The following HPS5 variants were observed in gnomAD, a reference collection of about 807,000 sequenced individuals.
HPS5 encodes BLOC-2 complex member HPS5.
In HPS5, 83 loss-of-function variants were observed where a neutral mutation model predicts 128.0. The ratio of observed to expected loss-of-function variants is 0.65; its 90% confidence interval spans 0.54 to 0.78. The LOEUF (loss-of-function observed/expected upper bound fraction) is 0.78, where lower values mean the gene tolerates loss of function less well. Among genes scored for constraint, HPS5 ranks in the 30% least tolerant of loss-of-function variants. The probability of loss-of-function intolerance (pLI) is 0.00; values close to 1 mark genes in which losing one functional copy is unlikely to be tolerated. For missense variants in HPS5, 1,281 were observed against 1,326.2 expected (o/e 0.97, Z 0.53); for synonymous variants, 475 against 470.2 (o/e 1.01, Z -0.13).
intron 2 of HPS5, among the ~76,000 whole-genome samples, chr11:18,313,359 T>C (rs1863222133): frequency 1.3e-5 from 2 of 152,386 alleles, no homozygotes; most frequent in Admixed American, 6.5e-5. Context: ...ATTTTGTCAC[T>C]GACTAGCTGT....
chr11:18,280,019 A>G (rs1858665215), intron 22 of HPS5, 77 bp from the exon 23 acceptor site: 2 of 1,430,868 alleles, frequency 1.4e-6, no homozygotes, highest in Non-Finnish European at 2.0e-6. Flanking sequence ...AAAACTACAG[A>G]GTTTCAGAGG....
chr11:18,284,709 T>TA (rs1463447060), intron 20 of HPS5, among the ~76,000 whole-genome samples: 3 of 152,190 alleles, frequency 2.0e-5, no homozygotes, highest in Non-Finnish European at 4.4e-5. Context: ...ACAAATTAGA[T>TA]ATAGACATTA....
chr11:18,318,177 T>C (rs1037259779), intron 1 of HPS5, among the ~76,000 whole-genome samples: 1 of 152,150 alleles, frequency 6.6e-6, no homozygotes, highest in Non-Finnish European at 1.5e-5. Flanking sequence ...GTAAACAGAA[T>C]AGGTAGAGTA....
intron 1 of HPS5, among the ~76,000 whole-genome samples, chr11:18,321,006 G>T (rs1864252931): frequency 6.6e-6 from 1 of 152,200 alleles, no homozygotes; most frequent in African/African-American, 2.4e-5. Context: ...TGCAACAATG[G>T]ATATAAAAAG....
chr11:18,287,699 A>T lies in HPS5; in HGVS notation c.2562-9T>A. 6.2e-7 allele frequency: 1 copy of T among 1,614,010 alleles called. No homozygotes were observed. ...CAAACTTTTCATACAACCTGCATTT[A>T]AAAACAAAACACTTTAGTCTCTAAT... On this transcript the variant is annotated splice_polypyrimidine_tract_variant and intron_variant, in intron 17 of 22. Transcript: ENST00000349215.
intron 22 of HPS5, 136 bp from the exon 23 acceptor site, chr11:18,280,078 G>A: frequency 1.2e-6 from 1 of 820,240 alleles, no homozygotes; most frequent in Non-Finnish European, 2.0e-6. Context: ...AATGCACAGA[G>A]TGAAAAGGCA....
rs562341973 is a variant in HPS5, at chr11:18,282,003, T to A, written c.3276A>T (p.Ser1092=). ...TATCGCAGGTTCTGGTAAACTTCTC[T>A]GACAACTCAAGGGCCAGACCACATT... ...LQECGLALEL[S]EKFTRTCDIL... Residue 1092 remains serine, a synonymous_variant, in exon 22 of 23, where the codon TCA becomes TCT. Coordinates refer to ENST00000349215, the MANE Select transcript of HPS5 (RefSeq NM_181507.2). The A allele has an allele frequency of 3.7e-6, 6 of 1,614,204 alleles. No individual in the cohort carries two copies. In the African/African-American group the frequency reaches 4.0e-5, roughly 11 times the overall value.
At position 18,282,147 on chromosome 11, in the gene HPS5, G is replaced by T; in HGVS notation, c.3132C>A (p.Ala1044=). The change falls in exon 22 of 23, where the codon GCC becomes GCA. Residue 1044 remains alanine, a synonymous_variant. Transcript: ENST00000349215. ...GGCTCCCATTTAGTGACTCCTGGGG[G>T]GCTGGCCTCGTGCTCTTGCTCTGTA... The part of the protein sequence containing the change: ...HLIQSKSTRP[A]PQESLNGSLS... 2 of 1,614,116 alleles carry T rather than the reference G, an allele frequency of 1.2e-6. No homozygotes were observed. Among genetic ancestry groups the T allele is most frequent in the Non-Finnish European group, 1.7e-6 (2 of 1,180,020 alleles).
intron 16 of HPS5, among the ~76,000 whole-genome samples, chr11:18,288,924 G>A (rs1283038759): frequency 6.6e-6 from 1 of 151,904 alleles, no homozygotes; most frequent in Non-Finnish European, 1.5e-5. Context: ...GTCTAGGCTG[G>A]CATGTGTGTG....
At chr11:18,311,365 T>C in intron 4 of HPS5, 22 bp downstream of exon 4, 1 of 1,507,840 alleles carries the variant, frequency 6.6e-7, no homozygotes, top group Non-Finnish European at 9.2e-7. Flanking sequence ...AAAGGACAGA[T>C]AGTTTTGGAA....
At position 18,296,905 on chromosome 11, in the gene HPS5, C is replaced by G; in HGVS notation, c.1403G>C (p.Cys468Ser). ...RRGSQSDEDS[C>S]SLHSQTLSED... is the part of the protein sequence containing the mutation. ...TGAGAGGGTTTGGCTGTGAAGGGAG[C>G]AAGAGTCTTCATCTGACTGACTGCC... The change falls in exon 12 of 23, where the codon TGC becomes TCC. Residue 468 changes from cysteine (C) to serine (S), a missense_variant. Transcript: ENST00000349215. The G allele has an allele frequency of 6.2e-7, 1 of 1,610,694 alleles. No homozygotes were observed.
chr11:18,311,284 G>C, intron 4 of HPS5, 103 bp downstream of exon 4: 1 of 860,352 alleles, frequency 1.2e-6, no homozygotes, highest in Non-Finnish European at 2.0e-6. Flanking sequence ...TTAAAACCGG[G>C]ACAATCCTAG....
Position 18,311,513 on chromosome 11 carries a change from T to TATTA in HPS5, c.220-63_220-62insTAAT, listed in dbSNP as rs1554944920. Reference sequence around the variant, plus strand: ...AGTTTTACATTATTATTATTATTATTTTTTTTTTTTTTTTTGAGACTGAGT... The same window carrying TATTA: ...AGTTTTACATTATTATTATTATTATTATTATTTTTTTTTTTTTTTGAGACTGAGT... On this transcript the variant is annotated intron_variant, in intron 3 of 22. Transcript: ENST00000349215. 4.1e-4 allele frequency: 249 copies of TATTA among 608,496 alleles called. 1 individual carries two copies. The highest frequency in any genetic ancestry group is 2.7e-3 in the African/African-American group (110 of 40,480). 37.7% of individuals were successfully genotyped at this position (608,496 alleles called of 1,614,324 possible).
chr11:18,300,593 A>G (rs1475353933), intron 9 of HPS5, among the ~76,000 whole-genome samples: 2 of 151,136 alleles, frequency 1.3e-5, no homozygotes, highest in African/African-American at 4.9e-5. Context: ...GCTACTCAGG[A>G]GGCTGAGGCA....
intron 15 of HPS5, 139 bp downstream of exon 15, chr11:18,292,760 A>G (rs1435195647): frequency 1.4e-6 from 1 of 735,900 alleles, no homozygotes; most frequent in East Asian, 2.7e-5. Flanking sequence ...ACTTAATAAA[A>G]GGAAAGACCA....
chr11:18,296,986 T>C lies in HPS5; in HGVS notation c.1324-2A>G. 6.5e-7 allele frequency: 1 copy of C among 1,533,172 alleles called. No homozygotes were observed. 95.0% of individuals were successfully genotyped at this position (1,533,172 alleles called of 1,614,324 possible). On this transcript the variant is annotated splice_acceptor_variant, in intron 11 of 22. Transcript: ENST00000349215. LOFTEE classifies it high-confidence loss of function. ...AGAGTCCAAGATGCTGAAACTTTCC[T>C]AAAAATTAAAAGAATTCAAAAAAAA...
chr11:18,300,923 GAGA>G lies in HPS5; in HGVS notation c.897-10_897-8del, dbSNP rs753070041. 4.0e-5 allele frequency: 60 copies of G among 1,517,684 alleles called. No homozygotes were observed. The highest frequency in any genetic ancestry group is 3.1e-4 in the South Asian group (28 of 88,994). 94.0% of individuals were successfully genotyped at this position (1,517,684 alleles called of 1,614,324 possible). A position where few individuals can be genotyped will look rare whatever the true frequency, so the allele number is the denominator to read the frequency against. ...AGTCAGCACACAATGCTCACTGCAA[GAGA>G]AGAAGTGAAGAGAATTCAAGTGTGC... On this transcript the variant is annotated splice_polypyrimidine_tract_variant and splice_region_variant and intron_variant, in intron 8 of 22. Coordinates refer to ENST00000349215, the MANE Select transcript of HPS5 (RefSeq NM_181507.2).
intron 8 of HPS5, among the ~76,000 whole-genome samples, chr11:18,303,319 T>C (rs1861951817): frequency 6.6e-6 from 1 of 152,206 alleles, no homozygotes; most frequent in Non-Finnish European, 1.5e-5. Context: ...ATACTCATAA[T>C]ACAGTAAGAC....
At chr11:18,296,637 T>C (rs1861101296) in intron 12 of HPS5, 161 bp downstream of exon 12, 13 of 782,728 alleles carry the variant, frequency 1.7e-5, no homozygotes, top group Non-Finnish European at 2.8e-5. Context: ...CCAACTCTTC[T>C]AGTAGGGGGC....
Sources: gnomAD v4.1 joint callset for allele counts (sites outside exome capture counted in the v4.1 genomes callset) on GRCh38, gnomAD v4.1.1 for gene constraint, MANE v1.5 for transcripts, NCBI Gene and HGNC (gene_info 2026-07-23, HGNC 2026-07-21) for gene names.